ATP2A3: variants seen among roughly 807,000 people sequenced by gnomAD.
ATP2A3 encodes ATPase sarcoplasmic/endoplasmic reticulum Ca2+ transporting 3.
Under a neutral mutation model 106.8 loss-of-function variants are expected in ATP2A3, and 61 were observed. That is an observed-to-expected ratio of 0.57 (90% confidence interval 0.46 to 0.71). ATP2A3 has a LOEUF of 0.71. Ranked by LOEUF, ATP2A3 falls within the 30% of genes least tolerant of loss-of-function variation. The pLI, the probability that ATP2A3 is intolerant of heterozygous loss-of-function variation, is 0.00. For missense variants in ATP2A3, 1,201 were observed against 1,423.5 expected (o/e 0.84, Z 2.52); for synonymous variants, 611 against 609.3 (o/e 1.00, Z -0.04).
chr17:3,947,866 G>C lies in ATP2A3; in HGVS notation c.631-11C>G. 6.3e-7 allele frequency: 1 copy of C among 1,598,222 alleles called. No homozygotes were observed. The highest frequency in any genetic ancestry group is 8.5e-7 in the Non-Finnish European group (1 of 1,179,800). ...TGTGATATTGGTGCCCTGGCCAGGG[G>C]AGGGACAAGGAAAAAGCTGCTCAGC... On this transcript the variant is annotated splice_polypyrimidine_tract_variant and intron_variant, in intron 7 of 20. Coordinates refer to ENST00000397041, the MANE Select transcript of ATP2A3 (RefSeq NM_005173.4). The surrounding 1 kb of genome is among the most constrained non-coding windows in gnomAD (Gnocchi z 7.7).
chr17:3,953,797 TC>T lies in ATP2A3; in HGVS notation c.119-88del. ...GGCCTCGGGGGAGTCTGGCAGTGCC[TC>T]CCCACCGTGCCCGCCCAGACCCCCA... On this transcript the variant is annotated intron_variant, in intron 1 of 20. Coordinates refer to ENST00000397041, the MANE Select transcript of ATP2A3 (RefSeq NM_005173.4). The surrounding 1 kb of genome is among the most constrained non-coding windows in gnomAD (Gnocchi z 5.1). 1.4e-6 allele frequency: 2 copies of T among 1,434,068 alleles called. No homozygotes were observed. The highest frequency in any genetic ancestry group is 1.9e-6 in the Non-Finnish European group (2 of 1,041,562). The allele number at this position is 1,434,068 out of a possible 1,614,324, so 88.8% of individuals were successfully genotyped here.
Position 3,937,373 on chromosome 17 carries a change from G to A in ATP2A3, c.2321+43C>T, listed in dbSNP as rs746887653. 12 of 1,588,818 alleles carry A rather than the reference G, an allele frequency of 7.6e-6. No homozygotes were observed. The African/African-American group carries it at 8.1e-5, about 11-fold the overall frequency. On this transcript the variant is annotated intron_variant, in intron 15 of 20. Coordinates refer to ENST00000397041, the MANE Select transcript of ATP2A3 (RefSeq NM_005173.4). ...GCGTTTTCCCCATCTCAGGGGCACA[G>A]AGCGGATTGAGAGGGCTGAGAGGAG...
chr17:3,934,538 T>TTCC (rs71381541), intron 17 of ATP2A3, among the ~76,000 whole-genome samples: 1 of 146,364 alleles, frequency 6.8e-6, no homozygotes, highest in Non-Finnish European at 1.5e-5. Flanking sequence ...TTTTTTTTTT[T>TTCC]CTTGAGATGG....
chr17:3,951,812 T>C, intron 3 of ATP2A3, 127 bp from the exon 4 acceptor site: 1 of 979,182 alleles, frequency 1.0e-6, no homozygotes, highest in Non-Finnish European at 1.6e-6. Context: ...AGCTCTTGGC[T>C]TGGAGAGGGC....
rs536946307 is a variant in ATP2A3, at chr17:3,941,057, T to C, written c.2014A>G (p.Thr672Ala). 9 of 1,613,568 alleles carry C rather than the reference T, an allele frequency of 5.6e-6. No homozygotes were observed. In the African/African-American group the frequency reaches 1.2e-4, roughly 22 times the overall value. Reference protein sequence around the residue: ...SPEQQRQACRTARCFARVEPA... With the variant: ...SPEQQRQACRAARCFARVEPA... ...TCCACGCGGGCGAAGCAGCGGGCGG[T>C]GCGGCAGGCCTGGCGCTGCTGCTCG... is the stretch of plus-strand genomic sequence containing the variant. Residue 672 changes from threonine to alanine, a missense_variant, in exon 14 of 21, where the codon ACC (threonine) becomes GCC (alanine). Around this residue, in one of 2 missense-constraint regions of ATP2A3, gnomAD observed 935 missense variants for 1,176.7 expected, o/e 0.79. Transcript: ENST00000397041.
intron 7 of ATP2A3, among the ~76,000 whole-genome samples, chr17:3,950,116 C>T (rs541533116): frequency 1.3e-5 from 2 of 149,610 alleles, no homozygotes; most frequent in Non-Finnish European, 1.5e-5. Flanking sequence ...GACCCGAGAT[C>T]GTACCACTGC....
intron 8 of ATP2A3, 181 bp from the exon 9 acceptor site, chr17:3,945,329 C>G (rs2054053708): frequency 1.8e-6 from 1 of 544,580 alleles, no homozygotes; most frequent in Admixed American, 3.3e-5. Context: ...CAGGGACCGT[C>G]TGCTCTGCCA....
Position 3,955,902 on chromosome 17 carries a change from G to A in ATP2A3, c.119-2192C>T, listed in dbSNP as rs1438783921. 1.3e-5 allele frequency among the ~76,000 whole-genome samples: 2 copies of A among 148,350 alleles called. No homozygotes were observed. Among genetic ancestry groups the A allele is most frequent in the African/African-American group, 2.5e-5 (1 of 40,182 alleles). On this transcript the variant is annotated intron_variant, in intron 1 of 20. Coordinates refer to ENST00000397041, the MANE Select transcript of ATP2A3 (RefSeq NM_005173.4). The surrounding 1 kb of genome is among the most constrained non-coding windows in gnomAD (Gnocchi z 4.2). ...ATTTTATTTTATTTTTTTTTTTTGA[G>A]ATGGAGTCTTGCTCTCTCGCCCAGG...
rs752714269 is a variant in ATP2A3 at position 3,947,643 on chromosome 17, G to A, written c.843C>T (p.Asp281=). 3 of 1,612,368 alleles carry A rather than the reference G, an allele frequency of 1.9e-6. No homozygotes were observed. The highest frequency in any genetic ancestry group is 1.7e-5 in the Admixed American group (1 of 60,014). ...GCAGCCAGGAGCCACCGTGGGCCGG[G>A]TCGGCGAAGTGGCCGATGTTGATGA... The part of the protein sequence containing the change: ...VWVINIGHFA[D]PAHGGSWLRG... Residue 281 remains aspartate (D), a synonymous_variant, in exon 8 of 21, where the codon GAC becomes GAT. Coordinates refer to ENST00000397041, the MANE Select transcript of ATP2A3 (RefSeq NM_005173.4). This position sits in a 1 kb window ranked among gnomAD's most constrained non-coding sequence, Gnocchi z 7.7.
chr17:3,953,473 C>T lies in ATP2A3; in HGVS notation c.137-44G>A. ...TGTGAGGCTGGGCCCCCACCACTGA[C>T]CCTGCCCACTCAGAGCTGGGATGGC... is the stretch of plus-strand genomic sequence containing the variant. On this transcript the variant is annotated intron_variant, in intron 2 of 20. Transcript: ENST00000397041. The surrounding 1 kb of genome is among the most constrained non-coding windows in gnomAD (Gnocchi z 5.1). 1 of 1,601,496 alleles carries T rather than the reference C, an allele frequency of 6.2e-7. No individual in the cohort carries two copies. The highest frequency in any genetic ancestry group is 8.6e-7 in the Non-Finnish European group (1 of 1,168,900).
At position 3,964,323 on chromosome 17, in the gene ATP2A3, C is replaced by T; in HGVS notation, c.-32G>A. ...CGCCCGGCCGTCTGCGCCGTCCGCA[C>T]CGTCGAGGCCGCCTCTCCGCCGGGG... On this transcript the variant is annotated 5_prime_UTR_variant, in exon 1 of 21. The change creates a new upstream start codon in the 5' untranslated region. Coordinates refer to ENST00000397041, the MANE Select transcript of ATP2A3 (RefSeq NM_005173.4). 2 of 1,133,422 alleles carry T rather than the reference C, an allele frequency of 1.8e-6. No individual in the cohort carries two copies. Among genetic ancestry groups the T allele is most frequent in the Non-Finnish European group, 2.2e-6 (2 of 912,918 alleles). 70.2% of individuals were successfully genotyped at this position (1,133,422 alleles called of 1,614,324 possible).
At chr17:3,950,401 T>C in intron 7 of ATP2A3, 110 bp downstream of exon 7, 1 of 1,150,888 alleles carries the variant, frequency 8.7e-7, no homozygotes, top group Non-Finnish European at 1.3e-6. Flanking sequence ...TGACCTCAGG[T>C]GATCCACCCA....
chr17:3,955,360 C>G lies in ATP2A3; in HGVS notation c.119-1650G>C, dbSNP rs2054713856. ...CAGCTGAACCCTGGGGAGTATCAAG[C>G]AGCCCACTGGACTGTAGGAATCCAG... On this transcript the variant is annotated intron_variant, in intron 1 of 20. Coordinates refer to ENST00000397041, the MANE Select transcript of ATP2A3 (RefSeq NM_005173.4). This position sits in a 1 kb window ranked among gnomAD's most constrained non-coding sequence, Gnocchi z 4.2. Among the ~76,000 whole-genome samples, 1 of 152,202 alleles carries G rather than the reference C, an allele frequency of 6.6e-6. No homozygotes were observed. Among genetic ancestry groups the G allele is most frequent in the South Asian group, 2.1e-4 (1 of 4,830 alleles).
intron 5 of ATP2A3, 107 bp from the exon 6 acceptor site, chr17:3,950,880 G>T: frequency 8.9e-7 from 1 of 1,125,778 alleles, no homozygotes; most frequent in Non-Finnish European, 1.3e-6. Context: ...TCGGGTGCCT[G>T]AGCTGTGATC....
chr17:3,927,883 C>T (rs2144202224), intron 20 of ATP2A3: 2 of 1,581,410 alleles, frequency 1.3e-6, no homozygotes, highest in African/African-American at 1.3e-5. Context: ...TGCCCCAGTG[C>T]AGGCCTCAGC....
chr17:3,925,584 AC>A lies in ATP2A3; in HGVS notation c.2981-144del. The A allele has an allele frequency of 9.4e-7, 1 of 1,062,354 alleles. No homozygotes were observed. 65.8% of individuals were successfully genotyped at this position (1,062,354 alleles called of 1,614,324 possible). ...CCTCCCTTAGTCCAGACCTCAGTCT[AC>A]CCCAGCCCCACCGGACCCCCCAAGC... On this transcript the variant is annotated intron_variant, in intron 20 of 20. Coordinates refer to ENST00000397041, the MANE Select transcript of ATP2A3 (RefSeq NM_005173.4). This position sits in a 1 kb window ranked among gnomAD's most constrained non-coding sequence, Gnocchi z 4.2.
intron 14 of ATP2A3, among the ~76,000 whole-genome samples, chr17:3,939,786 TAAAAAAAAAAA>T (rs71381543): frequency 2.0e-5 from 1 of 50,492 alleles, no homozygotes; most frequent in Non-Finnish European, 4.0e-5. Flanking sequence ...AGACTCTGTC[TAAAAAAAAAAA>T]AAAAAAAAAA....
At chr17:3,937,785 A>T in intron 14 of ATP2A3, 149 bp from the exon 15 acceptor site, 1 of 852,924 alleles carries the variant, frequency 1.2e-6, no homozygotes, top group South Asian at 1.5e-5. Context: ...AGAATGAACT[A>T]GAAATTGGGC....
At chr17:3,957,155 C>T (rs1278633510) in intron 1 of ATP2A3, among the ~76,000 whole-genome samples, 1 of 152,226 alleles carries the variant, frequency 6.6e-6, no homozygotes, top group Admixed American at 6.5e-5. Context: ...CGCCAGACAC[C>T]CTGCTAACTC....
Sources: allele counts gnomAD v4.1 joint callset (sites outside exome capture counted in the v4.1 genomes callset), GRCh38; gene constraint gnomAD v4.1.1; regional missense constraint gnomAD v4.1.1; non-coding constraint Gnocchi (gnomAD v3.1); transcripts MANE v1.5; gene names NCBI Gene and HGNC (gene_info 2026-07-23, HGNC 2026-07-21).